TTYH3: variants seen among roughly 807,000 people sequenced by gnomAD.
TTYH3 encodes the protein protein tweety homolog 3.
Under a neutral mutation model 68.2 loss-of-function variants are expected in TTYH3, and 23 were observed. The ratio of observed to expected loss-of-function variants is 0.34; its 90% confidence interval spans 0.24 to 0.48. The LOEUF is 0.48. Among genes scored for constraint, TTYH3 ranks in the 20% least tolerant of loss-of-function variants. TTYH3 has a pLI of 0.99. For missense variants in TTYH3, 768 were observed against 727.7 expected (o/e 1.06, Z -0.64); for synonymous variants, 360 against 332.8 (o/e 1.08, Z -0.89).
At chr7:2,661,111 T>G (rs1052132092) in intron 13 of TTYH3, among the ~76,000 whole-genome samples, 1 of 152,124 alleles carries the variant, frequency 6.6e-6, no homozygotes, top group Non-Finnish European at 1.5e-5. Context: ...CCTGTGTGGC[T>G]TAAGGGGCCC....
rs114075118 is a variant in TTYH3, at chr7:2,634,089, G to C, written c.123+1811G>C. Among the ~76,000 whole-genome samples the C allele has an allele frequency of 2.3e-3, 347 of 152,264 alleles. 3 individuals are homozygous for C. Among genetic ancestry groups the C allele is most frequent in the African/African-American group, 8.0e-3 (333 of 41,546 alleles). ...AGGGCTCTGACTCACTCTCTCTCCT[G>C]CCTCATCTCCACAGAGCAGAATTAG... On this transcript the variant is annotated intron_variant, in intron 1 of 13. Coordinates refer to ENST00000258796, the MANE Select transcript of TTYH3 (RefSeq NM_025250.3).
At chr7:2,660,276 T>C (rs1453511418) in intron 13 of TTYH3, 20 of 985,374 alleles carry the variant, frequency 2.0e-5, no homozygotes, top group Non-Finnish European at 2.4e-5. Context: ...CCCTGCCCAG[T>C]TGCTTGGCCT....
chr7:2,664,375 A>C lies in TTYH3; in HGVS notation c.*2636A>C, dbSNP rs1786566474. ...CCCCCTGGACCCCAGAACCCCAGAC[A>C]AGGGGGCAGGCGGGGGACCAGGGCC... On this transcript the variant is annotated 3_prime_UTR_variant, in exon 14 of 14. Coordinates refer to ENST00000258796, the MANE Select transcript of TTYH3 (RefSeq NM_025250.3). 6.6e-6 allele frequency: 1 copy of C among 152,490 alleles called. No individual in the cohort carries two copies. Among genetic ancestry groups the C allele is most frequent in the Admixed American group, 6.5e-5 (1 of 15,292 alleles). The allele number at this position is 152,490 out of a possible 1,614,324, so 9.4% of individuals were successfully genotyped here. A position where few individuals can be genotyped will look rare whatever the true frequency, so the allele number is the denominator to read the frequency against.
At chr7:2,641,456 G>A (rs1414000735) in intron 1 of TTYH3, among the ~76,000 whole-genome samples, 1 of 152,080 alleles carries the variant, frequency 6.6e-6, no homozygotes, top group Non-Finnish European at 1.5e-5. Context: ...GGGGGACTGA[G>A]GCTGCAGGAG....
At chr7:2,654,478 TACACACAC>T (rs10575390) in intron 9 of TTYH3, among the ~76,000 whole-genome samples, 17 of 151,594 alleles carry the variant, frequency 1.1e-4, no homozygotes, top group African/African-American at 4.1e-4. Context: ...ATAAAAATTA[TACACACAC>T]ACACACAATT....
Position 2,632,055 on chromosome 7 carries a change from G to T in TTYH3, c.-101G>T, listed in dbSNP as rs1415659140. The T allele has an allele frequency of 9.2e-7, 1 of 1,087,090 alleles. No individual in the cohort carries two copies. Among genetic ancestry groups the T allele is most frequent in the African/African-American group, 1.7e-5 (1 of 60,388 alleles). The allele number at this position is 1,087,090 out of a possible 1,614,324, so 67.3% of individuals were successfully genotyped here. On this transcript the variant is annotated 5_prime_UTR_variant, in exon 1 of 14. Coordinates refer to ENST00000258796, the MANE Select transcript of TTYH3 (RefSeq NM_025250.3). ...GGCCCAGGAGCGCGCGGATGATGCG[G>T]GCGGCCAGGCGGGGGTCGACGGGTC...
At chr7:2,642,710 A>G (rs1785880802) in intron 1 of TTYH3, among the ~76,000 whole-genome samples, 1 of 151,078 alleles carries the variant, frequency 6.6e-6, no homozygotes. Context: ...CCTGGGCCAC[A>G]GAGCAAGACC....
At chr7:2,656,354 C>A (rs1244433060) in intron 10 of TTYH3, 44 bp from the exon 11 acceptor site, 1 of 1,592,970 alleles carries the variant, frequency 6.3e-7, no homozygotes, top group East Asian at 2.2e-5. Context: ...GCCCCCTCCA[C>A]CCTCCCTGTC....
intron 11 of TTYH3, 119 bp downstream of exon 11, chr7:2,656,653 T>G (rs199952898): frequency 2.6e-4 from 330 of 1,261,652 alleles, no homozygotes; most frequent in Non-Finnish European, 3.4e-4. Flanking sequence ...GACAGACACC[T>G]CCTCACCTCG....
chr7:2,638,531 C>T (rs1370981830), intron 1 of TTYH3, among the ~76,000 whole-genome samples: 1 of 152,086 alleles, frequency 6.6e-6, no homozygotes, highest in East Asian at 1.9e-4. Flanking sequence ...CGGAGGGAGC[C>T]CCGGGGGGTG....
chr7:2,637,500 C>T (rs114308131), intron 1 of TTYH3, among the ~76,000 whole-genome samples: 1 of 152,290 alleles, frequency 6.6e-6, no homozygotes, highest in South Asian at 2.1e-4. Flanking sequence ...CAGCCACGTC[C>T]GTCCCAGTGG....
intron 1 of TTYH3, among the ~76,000 whole-genome samples, chr7:2,636,284 G>C (rs1562706011): frequency 6.6e-6 from 1 of 152,210 alleles, no homozygotes; most frequent in Non-Finnish European, 1.5e-5. Context: ...GGCAGTGTTG[G>C]TCGCCTGTCG....
intron 1 of TTYH3, among the ~76,000 whole-genome samples, chr7:2,633,591 G>A (rs1054231435): frequency 2.0e-5 from 3 of 152,256 alleles, no homozygotes; most frequent in African/African-American, 2.4e-5. Flanking sequence ...CTGGGGGACC[G>A]TTCAGTGTGG....
At chr7:2,651,522 G>A (rs947738230) in intron 7 of TTYH3, among the ~76,000 whole-genome samples, 2 of 152,124 alleles carry the variant, frequency 1.3e-5, no homozygotes, top group Non-Finnish European at 2.9e-5. Context: ...GGTCCCTACT[G>A]TAGCCGGCGG....
At position 2,649,452 on chromosome 7, in the gene TTYH3, C is replaced by A. The variant is rs1215005589; in HGVS notation, c.723-115C>A. 13 of 1,023,292 alleles carry A rather than the reference C, an allele frequency of 1.3e-5. No individual in the cohort carries two copies. In the East Asian group the frequency reaches 2.9e-4, roughly 23 times the overall value. 63.4% of individuals were successfully genotyped at this position (1,023,292 alleles called of 1,614,324 possible). On this transcript the variant is annotated intron_variant, in intron 5 of 13. Transcript: ENST00000258796. Reference sequence around the variant, plus strand: ...CCAGGCCACAGGAAGAGCCCCAGCCCATGTGTGGGCTGACCCCTGATGTGC... The same window carrying A: ...CCAGGCCACAGGAAGAGCCCCAGCCAATGTGTGGGCTGACCCCTGATGTGC...
chr7:2,648,392 C>T (rs1012427674), intron 5 of TTYH3: 6 of 267,352 alleles, frequency 2.2e-5, no homozygotes, highest in Non-Finnish European at 3.5e-5. Flanking sequence ...CTTCCTCCAC[C>T]CCTTCCATCC....
At position 2,661,950 on chromosome 7, in the gene TTYH3, C is replaced by G; in HGVS notation, c.*211C>G. On this transcript the variant is annotated 3_prime_UTR_variant, in exon 14 of 14. Transcript: ENST00000258796. ...GCCCGTACCGCCAACTCGGGTCACA[C>G]CTGAACGCTGCTGCCAGCCGATGCC... 1 of 614,678 alleles carries G rather than the reference C, an allele frequency of 1.6e-6. No homozygotes were observed. The highest frequency in any genetic ancestry group is 2.9e-6 in the Non-Finnish European group (1 of 347,348). 38.1% of individuals were successfully genotyped at this position (614,678 alleles called of 1,614,324 possible). A position where few individuals can be genotyped will look rare whatever the true frequency, so the allele number is the denominator to read the frequency against.
rs1786516344 is a variant in TTYH3 at position 2,662,182 on chromosome 7, T to G, written c.*443T>G. 3.4e-6 allele frequency: 1 copy of G among 295,620 alleles called. No homozygotes were observed. Among genetic ancestry groups the G allele is most frequent in the South Asian group, 3.5e-5 (1 of 28,622 alleles). 18.3% of individuals were successfully genotyped at this position (295,620 alleles called of 1,614,324 possible). On this transcript the variant is annotated 3_prime_UTR_variant, in exon 14 of 14. Coordinates refer to ENST00000258796, the MANE Select transcript of TTYH3 (RefSeq NM_025250.3). ...CTCTGTGCTGGCGCCTGCTGGCCAC[T>G]GAGGGACAGGGACACGTGCCACCTG...
At chr7:2,649,840 G>C (rs540484218) in intron 6 of TTYH3, 73 bp from the exon 7 acceptor site, 2 of 1,558,760 alleles carry the variant, frequency 1.3e-6, no homozygotes, top group East Asian at 4.5e-5. Flanking sequence ...TCCAGGGGAC[G>C]GGTTCTACCC....
Sources: allele counts gnomAD v4.1 joint callset (sites outside exome capture counted in the v4.1 genomes callset), GRCh38; gene constraint gnomAD v4.1.1; transcripts MANE v1.5; gene names NCBI Gene and HGNC (gene_info 2026-07-23, HGNC 2026-07-21).